Variants in TTLL11 observed in about 807,000 individuals in gnomAD.
TTLL11 encodes the protein tubulin polyglutamylase TTLL11.
Under a neutral mutation model 51.7 loss-of-function variants are expected in TTLL11, and 42 were observed. The ratio of observed to expected loss-of-function variants is 0.81; its 90% CI spans 0.64 to 1.05. The LOEUF is 1.05. Among genes scored for constraint, TTLL11 ranks in the 50% least tolerant of loss-of-function variants. TTLL11 has a pLI of 0.00. For synonymous variants in TTLL11, 381 were observed against 383.5 expected (o/e 0.99, Z 0.08); for missense variants, 799 against 940.4 (o/e 0.85, Z 1.97).
intron 1 of TTLL11, among the ~76,000 whole-genome samples, chr9:122,060,479 G>A (rs1845408869): frequency 2.0e-5 from 3 of 152,214 alleles, no homozygotes; most frequent in Non-Finnish European, 4.4e-5. Context: ...GCATGGGAAA[G>A]CCAAGACGTT....
intron 1 of TTLL11, among the ~76,000 whole-genome samples, chr9:122,075,600 T>C (rs1193502257): frequency 6.6e-6 from 1 of 152,172 alleles, no homozygotes; most frequent in Non-Finnish European, 1.5e-5. Context: ...ATAGCTGTAA[T>C]ATATCATTAG....
chr9:121,971,195 G>A (rs1209832513), intron 6 of TTLL11, among the ~76,000 whole-genome samples: 2 of 95,658 alleles, frequency 2.1e-5, no homozygotes, highest in East Asian at 5.8e-4. Context: ...CCGGCCAGCC[G>A]CCCCGTCCCG....
intron 1 of TTLL11, among the ~76,000 whole-genome samples, chr9:122,054,934 C>T (rs1372485537): frequency 2.0e-5 from 3 of 152,182 alleles, no homozygotes; most frequent in Non-Finnish European, 4.4e-5. Flanking sequence ...TCTCTTAGGG[C>T]AGCTTTTCCC....
At chr9:121,887,053 G>C (rs1390733266) in intron 6 of TTLL11, among the ~76,000 whole-genome samples, 1 of 152,210 alleles carries the variant, frequency 6.6e-6, no homozygotes, top group East Asian at 1.9e-4. Context: ...AGGATGATGA[G>C]CCTGTCACGG....
rs1378034731 is a variant in TTLL11, at chr9:121,974,981, T to C, written c.1270-2A>G. ...TAGAAGAATGTCAAAGCCTAAAATC[T>C]GGGCAGGATAAACACAATTCAGAAT... is the stretch of plus-strand genomic sequence containing the variant. On this transcript the variant is annotated splice_acceptor_variant, in intron 4 of 8. Coordinates refer to ENST00000321582, the MANE Select transcript of TTLL11 (RefSeq NM_001139442.2). LOFTEE classifies it high-confidence loss of function. 2.6e-6 allele frequency: 4 copies of C among 1,535,172 alleles called. No individual in the cohort carries two copies. Among genetic ancestry groups the C allele is most frequent in the Non-Finnish European group, 3.5e-6 (4 of 1,141,968 alleles).
intron 8 of TTLL11, among the ~76,000 whole-genome samples, chr9:121,858,876 C>G (rs1166333755): frequency 6.6e-6 from 1 of 152,208 alleles, no homozygotes; most frequent in Non-Finnish European, 1.5e-5. Context: ...GATCTCCCAA[C>G]CTGACTTCAT....
intron 3 of TTLL11, among the ~76,000 whole-genome samples, chr9:122,025,669 G>A (rs1476553669): frequency 6.6e-6 from 1 of 152,172 alleles, no homozygotes; most frequent in African/African-American, 2.4e-5. Context: ...GCAAAGATAT[G>A]GAGGAATTGG....
intron 8 of TTLL11, among the ~76,000 whole-genome samples, chr9:121,854,796 T>G (rs1018395122): frequency 8.7e-5 from 9 of 103,054 alleles, no homozygotes; most frequent in African/African-American, 3.2e-4. Flanking sequence ...GACAAATTTG[T>G]TTCTTTATTT....
chr9:121,858,992 G>A (rs763427375), intron 8 of TTLL11, among the ~76,000 whole-genome samples: 29 of 152,182 alleles, frequency 1.9e-4, no homozygotes, highest in African/African-American at 4.6e-4. Context: ...AGGGCGTGGC[G>A]TGGGTGCCAG....
intron 6 of TTLL11, among the ~76,000 whole-genome samples, chr9:121,964,048 C>T (rs994044032): frequency 6.6e-5 from 10 of 151,048 alleles, no homozygotes; most frequent in Non-Finnish European, 1.0e-4. Flanking sequence ...GCTTTTGCTC[C>T]AGAAAAAAAA....
At chr9:121,891,335 C>A (rs1839223526) in intron 6 of TTLL11, among the ~76,000 whole-genome samples, 1 of 152,202 alleles carries the variant, frequency 6.6e-6, no homozygotes, top group Non-Finnish European at 1.5e-5. Context: ...GCCCGAGGAT[C>A]AGAGATCACA....
At position 121,973,750 on chromosome 9, in the gene TTLL11, A is replaced by T. The variant is rs571537232; in HGVS notation, c.1481+259T>A. ...CTAAAACTTAAAGTATAATAATAAT[A>T]AAAAAAAGGAAGAGACATTCCAGAT... is the stretch of plus-strand genomic sequence containing the variant. On this transcript the variant is annotated intron_variant, in intron 6 of 8. Transcript: ENST00000321582. Among the ~76,000 whole-genome samples, 159 of 152,112 alleles carry T rather than the reference A, an allele frequency of 1.0e-3. 1 individual carries two copies. Among genetic ancestry groups the T allele is most frequent in the African/African-American group, 3.6e-3 (148 of 41,492 alleles).
chr9:122,064,569 T>A (rs1402332931), intron 1 of TTLL11, among the ~76,000 whole-genome samples: 1 of 152,180 alleles, frequency 6.6e-6, no homozygotes. Flanking sequence ...TGAAACAAAT[T>A]AGACTCTGAG....
At chr9:121,932,029 C>T (rs545585899) in intron 6 of TTLL11, among the ~76,000 whole-genome samples, 181 of 152,332 alleles carry the variant, frequency 1.2e-3, no homozygotes, top group African/African-American at 4.2e-3. Context: ...CCATTTCCAA[C>T]CTGACCCACT....
intron 7 of TTLL11, among the ~76,000 whole-genome samples, chr9:121,862,052 G>C (rs908325497): frequency 9.9e-5 from 15 of 152,128 alleles, no homozygotes; most frequent in Non-Finnish European, 1.9e-4. Flanking sequence ...TCTGAGCTTT[G>C]GATGCTCCAC....
At chr9:122,000,448 G>A (rs1197980515) in intron 3 of TTLL11, among the ~76,000 whole-genome samples, 4 of 143,480 alleles carry the variant, frequency 2.8e-5, no homozygotes, top group Non-Finnish European at 6.0e-5. Context: ...CTCCAGCCTG[G>A]GTGACAGAGT....
chr9:121,999,897 G>T (rs1843409510), intron 3 of TTLL11, among the ~76,000 whole-genome samples: 1 of 152,222 alleles, frequency 6.6e-6, no homozygotes, highest in African/African-American at 2.4e-5. Context: ...GAACATGGGT[G>T]TGTGTTCAAA....
intron 3 of TTLL11, among the ~76,000 whole-genome samples, chr9:122,022,784 T>C (rs935372283): frequency 1.3e-5 from 2 of 152,022 alleles, no homozygotes; most frequent in Admixed American, 1.3e-4. Context: ...GAGTTGATTG[T>C]TAAAACAAAA....
chr9:122,032,970 T>C (rs958631270), intron 2 of TTLL11, among the ~76,000 whole-genome samples: 1 of 151,482 alleles, frequency 6.6e-6, no homozygotes, highest in African/African-American at 2.4e-5. Context: ...AATTTTTGTA[T>C]TGTTTTTGTT....
Sources: gnomAD v4.1 joint callset for allele counts (sites outside exome capture counted in the v4.1 genomes callset) on GRCh38, gnomAD v4.1.1 for gene constraint, MANE v1.5 for transcripts, NCBI Gene and HGNC (gene_info 2026-07-23, HGNC 2026-07-21) for gene names.